HERPUD2: variants seen among roughly 807,000 people sequenced by gnomAD.
The protein encoded by HERPUD2 is HERPUD family member 2.
Under a neutral mutation model 49.9 loss-of-function variants are expected in HERPUD2, and 13 were observed. The ratio of observed to expected loss-of-function variants is 0.26; its 90% CI spans 0.17 to 0.41. HERPUD2 has a LOEUF of 0.41. HERPUD2 is among the 10% of genes least tolerant of loss of function. HERPUD2 has a pLI of 1.00. For missense variants in HERPUD2, 449 were observed against 492.2 expected (o/e 0.91, Z 0.83); for synonymous variants, 172 against 171.4 (o/e 1.00, Z -0.03).
intron 5 of HERPUD2, among the ~76,000 whole-genome samples, chr7:35,650,469 A>ACACC (rs1785140467): frequency 6.6e-6 from 1 of 152,062 alleles, no homozygotes; most frequent in Admixed American, 6.6e-5. Flanking sequence ...TGGGTCCCAC[A>ACACC]CACCTCCTAA....
chr7:35,667,726 T>C (rs1277154343), intron 4 of HERPUD2, 138 bp from the exon 5 acceptor site: 2 of 637,316 alleles, frequency 3.1e-6, no homozygotes, highest in Non-Finnish European at 5.2e-6. Flanking sequence ...ACATCGTGTG[T>C]CCAGTATAAG....
chr7:35,633,539 A>C lies in HERPUD2; in HGVS notation c.*151T>G. 1 of 536,440 alleles carries C rather than the reference A, an allele frequency of 1.9e-6. No individual in the cohort carries two copies. The allele number at this position is 536,440 out of a possible 1,614,324, so 33.2% of individuals were successfully genotyped here. On this transcript the variant is annotated 3_prime_UTR_variant, in exon 9 of 9. Coordinates refer to ENST00000311350, the MANE Select transcript of HERPUD2 (RefSeq NM_022373.5). The stretch of plus-strand genomic sequence containing the variant: ...GATATTTAGTAGTCCATTCGTGCTT[A>C]AAATATTCATATGCATGAGAAGCCT...
At position 35,694,572 on chromosome 7, in the gene HERPUD2, AG is replaced by A. The variant is rs1786274180; in HGVS notation, c.-243del. The A allele has an allele frequency of 2.0e-6, 1 of 511,628 alleles. No homozygotes were observed. The highest frequency in any genetic ancestry group is 3.2e-5 in the Admixed American group (1 of 31,342). The allele number at this position is 511,628 out of a possible 1,614,324, so 31.7% of individuals were successfully genotyped here. The stretch of plus-strand genomic sequence containing the variant: ...GGCCGTGGAGGCAGCTCTCCCCGCC[AG>A]GTCCGGGCTCCGCCGGGCTCCGGAC... On this transcript the variant is annotated 5_prime_UTR_variant, in exon 2 of 9. Coordinates refer to ENST00000311350, the MANE Select transcript of HERPUD2 (RefSeq NM_022373.5).
chr7:35,671,206 C>T (rs1473023802), intron 3 of HERPUD2, among the ~76,000 whole-genome samples: 4 of 152,020 alleles, frequency 2.6e-5, no homozygotes, highest in Admixed American at 6.6e-5. Context: ...GAGACAAATC[C>T]AAGAAAGGGT....
rs1271037489 is a variant in HERPUD2 at position 35,634,362 on chromosome 7, C to T, written c.1009G>A (p.Glu337Lys). The T allele has an allele frequency of 6.2e-7, 1 of 1,613,906 alleles. No individual in the cohort carries two copies. Residue 337 changes from glutamate (E) to lysine (K), a missense_variant, in exon 8 of 9, where the codon GAA (glutamate) becomes AAA (lysine). By Grantham distance (56) the Glu-to-Lys change is moderately conservative. Coordinates refer to ENST00000311350, the MANE Select transcript of HERPUD2 (RefSeq NM_022373.5). Reference protein sequence around the residue: ...GHQQAPNNNAEVNNDGQNANN... With the variant: ...GHQQAPNNNAKVNNDGQNANN... ...GCATTTTGCCCATCATTGTTAACTT[C>T]GGCATTATTGTTGGGAGCCTGCTGA...
intron 2 of HERPUD2, among the ~76,000 whole-genome samples, chr7:35,686,205 T>C (rs1342644095): frequency 3.3e-5 from 5 of 151,446 alleles, no homozygotes; most frequent in Non-Finnish European, 7.4e-5. Context: ...TCTTTTTTTT[T>C]TGAGACAGAG....
At chr7:35,675,234 C>G (rs1380447539) in intron 2 of HERPUD2, among the ~76,000 whole-genome samples, 1 of 152,202 alleles carries the variant, frequency 6.6e-6, no homozygotes, top group Non-Finnish European at 1.5e-5. Context: ...AATCCCCACA[C>G]ATTTTGGGGA....
At chr7:35,634,507 C>A (rs2115814446) in intron 7 of HERPUD2, 78 bp from the exon 8 acceptor site, 2 of 803,368 alleles carry the variant, frequency 2.5e-6, no homozygotes, top group South Asian at 3.3e-5. Context: ...TTATTAGTGT[C>A]CTATAAGAGA....
intron 5 of HERPUD2, among the ~76,000 whole-genome samples, chr7:35,648,973 C>T (rs541637251): frequency 1.3e-5 from 2 of 152,058 alleles, no homozygotes; most frequent in African/African-American, 2.4e-5. Flanking sequence ...GATTTATGGC[C>T]GGGAGCAGTG....
chr7:35,646,526 C>A (rs1785056625), intron 5 of HERPUD2, among the ~76,000 whole-genome samples: 1 of 152,132 alleles, frequency 6.6e-6, no homozygotes, highest in South Asian at 2.1e-4. Context: ...GGCACCACCA[C>A]ACTCCAGCCT....
chr7:35,684,352 T>C (rs1348723692), intron 2 of HERPUD2, among the ~76,000 whole-genome samples: 2 of 151,092 alleles, frequency 1.3e-5, no homozygotes, highest in Non-Finnish European at 2.9e-5. Context: ...ATCGCACCAC[T>C]GCACTCCAGC....
rs763392764 is a variant in HERPUD2 at position 35,635,185 on chromosome 7, A to G, written c.891T>C (p.Ser297=). The G allele has an allele frequency of 3.7e-6, 6 of 1,614,186 alleles. 1 individual carries two copies. In the South Asian group the frequency reaches 6.6e-5, roughly 18 times the overall value. Residue 297 remains serine (S), a synonymous_variant, in exon 7 of 9, where the codon TCT becomes TCC. Transcript: ENST00000311350. ...TTACCATGATAAACCGACTAAAAGA[A>G]GAATAGAAGTATACAATGCTAAGGA... ...AILLSIVYFY[S]SFSRFIMVMG...
chr7:35,674,840 CA>C (rs1785726159), intron 2 of HERPUD2, among the ~76,000 whole-genome samples: 2 of 152,138 alleles, frequency 1.3e-5, no homozygotes, highest in South Asian at 4.2e-4. Context: ...TGGATGGGCC[CA>C]GAAAGGGCAT....
chr7:35,667,236 C>A (rs1257725346), intron 5 of HERPUD2, among the ~76,000 whole-genome samples, 198 bp downstream of exon 5: 2 of 152,190 alleles, frequency 1.3e-5, no homozygotes, highest in Non-Finnish European at 2.9e-5. Context: ...AAAGCACTGC[C>A]CTACATGATT....
intron 2 of HERPUD2, among the ~76,000 whole-genome samples, chr7:35,692,388 A>G (rs1458284104): frequency 1.3e-5 from 2 of 152,214 alleles, no homozygotes; most frequent in East Asian, 1.9e-4. Context: ...CAATGTAAAG[A>G]TCTCGCCTAC....
rs1233329907 is a variant in HERPUD2, at chr7:35,694,528, C to T, written c.-198G>A. Reference sequence around the variant, plus strand: ...TGGACTGAGGTGGTGGCGACTGCGACGGTGGGGTCTGGGTGCCCGGCCGTG... The same window carrying T: ...TGGACTGAGGTGGTGGCGACTGCGATGGTGGGGTCTGGGTGCCCGGCCGTG... On this transcript the variant is annotated 5_prime_UTR_variant, in exon 2 of 9. Transcript: ENST00000311350. 8 of 599,062 alleles carry T rather than the reference C, an allele frequency of 1.3e-5. No homozygotes were observed. The highest frequency in any genetic ancestry group is 8.8e-5 in the Admixed American group (3 of 33,970). The allele number at this position is 599,062 out of a possible 1,614,324, so 37.1% of individuals were successfully genotyped here. A position where few individuals can be genotyped will look rare whatever the true frequency, so the allele number is the denominator to read the frequency against.
At chr7:35,644,072 T>C (rs997466081) in intron 5 of HERPUD2, among the ~76,000 whole-genome samples, 15 of 152,192 alleles carry the variant, frequency 9.9e-5, no homozygotes, top group Non-Finnish European at 1.6e-4. Context: ...AATAAGTAAT[T>C]ATGCTAATTC....
intron 2 of HERPUD2, among the ~76,000 whole-genome samples, chr7:35,682,627 C>A (rs1723294887): frequency 6.6e-6 from 1 of 151,510 alleles, no homozygotes; most frequent in Non-Finnish European, 1.5e-5. Flanking sequence ...GTCGAACTGT[C>A]GCTGTTTGAC....
At chr7:35,689,991 C>T (rs548743979) in intron 2 of HERPUD2, among the ~76,000 whole-genome samples, 1 of 152,152 alleles carries the variant, frequency 6.6e-6, no homozygotes, top group Non-Finnish European at 1.5e-5. Flanking sequence ...TAAAATTTTT[C>T]TCTAGGATGA....
Sources: gnomAD v4.1 joint callset for allele counts (sites outside exome capture counted in the v4.1 genomes callset) on GRCh38, gnomAD v4.1.1 for gene constraint, MANE v1.5 for transcripts, NCBI Gene and HGNC (gene_info 2026-07-23, HGNC 2026-07-21) for gene names.